KCND3: variants seen among roughly 807,000 people sequenced by gnomAD.
KCND3 encodes potassium voltage-gated channel subfamily D member 3, also known as A-type voltage-gated potassium channel KCND3.
KCND3 carries 9 observed loss-of-function variants against 51.1 expected under a neutral mutation model. The observed-to-expected ratio is 0.18, with a 90% CI of 0.11 to 0.31. The LOEUF (loss-of-function observed/expected upper bound fraction) is 0.31, where lower values mean the gene tolerates loss of function less well. KCND3 is among the 10% of genes least tolerant of loss of function. The probability of loss-of-function intolerance (pLI) is 1.00; values close to 1 mark genes in which losing one functional copy is unlikely to be tolerated. For missense variants in KCND3, 526 were observed against 903.8 expected (o/e 0.58, Z 5.36); for synonymous variants, 349 against 368.0 (o/e 0.95, Z 0.59).
At chr1:111,881,568 A>G (rs1281768338) in intron 2 of KCND3, among the ~76,000 whole-genome samples, 1 of 152,126 alleles carries the variant, frequency 6.6e-6, no homozygotes, top group Non-Finnish European at 1.5e-5. Context: ...TCTTTGTGCT[A>G]TGTCACCTCC....
intron 2 of KCND3, among the ~76,000 whole-genome samples, chr1:111,881,150 C>T (rs56229278): frequency 0.012 from 1,893 of 152,318 alleles, 18 homozygotes; most frequent in Non-Finnish European, 0.019. Flanking sequence ...ACATATTTGG[C>T]TTGACTCCAT....
intron 2 of KCND3, among the ~76,000 whole-genome samples, chr1:111,916,101 C>T (rs549723336): frequency 2.6e-5 from 4 of 152,256 alleles, no homozygotes; most frequent in African/African-American, 4.8e-5. Context: ...CTAGAACACT[C>T]GAACCAACAA....
At chr1:111,882,378 T>C (rs184791712) in intron 2 of KCND3, among the ~76,000 whole-genome samples, 11 of 152,304 alleles carry the variant, frequency 7.2e-5, no homozygotes, top group South Asian at 4.1e-4. Context: ...TGGCACTTCT[T>C]GACATCGGTG....
At chr1:111,825,131 A>G (rs1321356768) in intron 2 of KCND3, among the ~76,000 whole-genome samples, 5 of 152,214 alleles carry the variant, frequency 3.3e-5, no homozygotes, top group Non-Finnish European at 7.3e-5. Flanking sequence ...TTCCATGTCC[A>G]TACACCACCT....
intron 2 of KCND3, among the ~76,000 whole-genome samples, chr1:111,917,808 C>G (rs1030195907): frequency 2.0e-5 from 3 of 152,192 alleles, no homozygotes; most frequent in Non-Finnish European, 2.9e-5. Context: ...ACCACTGCAC[C>G]TTCCACTACA....
intron 2 of KCND3, among the ~76,000 whole-genome samples, chr1:111,905,293 C>T (rs933201004): frequency 3.9e-5 from 6 of 152,176 alleles, no homozygotes; most frequent in Non-Finnish European, 7.3e-5. Flanking sequence ...ATGGGAGACA[C>T]GCACCCAGAA....
intron 2 of KCND3, among the ~76,000 whole-genome samples, chr1:111,939,294 T>C (rs1456902747): frequency 1.3e-5 from 2 of 152,212 alleles, no homozygotes; most frequent in South Asian, 2.1e-4. Flanking sequence ...GTCTGTTACA[T>C]AGGTATACAC....
At chr1:111,853,410 G>T (rs984799754) in intron 2 of KCND3, among the ~76,000 whole-genome samples, 1 of 152,118 alleles carries the variant, frequency 6.6e-6, no homozygotes, top group Non-Finnish European at 1.5e-5. Flanking sequence ...CATAGTGATT[G>T]GGAACCCAGC....
intron 2 of KCND3, among the ~76,000 whole-genome samples, chr1:111,873,118 G>A (rs1283174439): frequency 6.6e-6 from 1 of 152,240 alleles, no homozygotes; most frequent in Non-Finnish European, 1.5e-5. Flanking sequence ...AGCTTCAGGT[G>A]AGAATGCTGA....
intron 2 of KCND3, among the ~76,000 whole-genome samples, chr1:111,842,733 G>A (rs1304008181): frequency 6.6e-6 from 1 of 152,174 alleles, no homozygotes; most frequent in Non-Finnish European, 1.5e-5. Context: ...TATGATCTGA[G>A]AATATGTGGC....
At chr1:111,941,600 A>G (rs1672524289) in intron 2 of KCND3, among the ~76,000 whole-genome samples, 1 of 152,140 alleles carries the variant, frequency 6.6e-6, no homozygotes, top group African/African-American at 2.4e-5. Context: ...TGAAATGTCA[A>G]CAAGAATTAG....
intron 2 of KCND3, among the ~76,000 whole-genome samples, chr1:111,915,260 C>G (rs887885081): frequency 2.6e-5 from 4 of 151,884 alleles, no homozygotes; most frequent in African/African-American, 9.7e-5. Flanking sequence ...GACTTAAACT[C>G]AATCATATCA....
chr1:111,856,018 C>T (rs1668049282), intron 2 of KCND3, among the ~76,000 whole-genome samples: 1 of 152,202 alleles, frequency 6.6e-6, no homozygotes, highest in Admixed American at 6.5e-5. Flanking sequence ...CTCTTTTCTC[C>T]CTCCAGGCTC....
intron 2 of KCND3, among the ~76,000 whole-genome samples, chr1:111,912,248 T>C (rs1484519517): frequency 6.6e-6 from 1 of 152,184 alleles, no homozygotes; most frequent in Non-Finnish European, 1.5e-5. Context: ...ATGATGGTGG[T>C]CTCATAAGAT....
intron 2 of KCND3, among the ~76,000 whole-genome samples, chr1:111,819,716 C>A (rs185066968): frequency 1.4e-4 from 21 of 152,286 alleles, no homozygotes; most frequent in African/African-American, 4.8e-4. Flanking sequence ...CTGCTTGTGT[C>A]TCCTCAGGCT....
chr1:111,878,568 C>T (rs1669162043), intron 2 of KCND3, among the ~76,000 whole-genome samples: 1 of 152,216 alleles, frequency 6.6e-6, no homozygotes, highest in African/African-American at 2.4e-5. Flanking sequence ...AAGAGAGGCA[C>T]CCTCGTTGTC....
In KCND3 at chr1:111,780,134, G is replaced by A; in HGVS notation, c.1461+91C>T. 1 of 1,301,156 alleles carries A rather than the reference G, an allele frequency of 7.7e-7. No homozygotes were observed. The highest frequency in any genetic ancestry group is 1.1e-6 in the Non-Finnish European group (1 of 920,632). The allele number at this position is 1,301,156 out of a possible 1,614,324, so 80.6% of individuals were successfully genotyped here. ...TTTGGATCTGAAGGGGACAGACTTT[G>A]ACTTCTGGCCCAGAGTGAAGATGTG... On this transcript the variant is annotated intron_variant, in intron 5 of 7. Coordinates refer to ENST00000302127, the MANE Select transcript of KCND3 (RefSeq NM_001378969.1). This position sits in a 1 kb window ranked among gnomAD's most constrained non-coding sequence, Gnocchi z 4.2.
chr1:111,895,024 G>A (rs1298390375), intron 2 of KCND3, among the ~76,000 whole-genome samples: 1 of 150,532 alleles, frequency 6.6e-6, no homozygotes, highest in Non-Finnish European at 1.5e-5. Context: ...AGGAGGAAAT[G>A]AGGGATGAGA....
chr1:111,913,307 T>C (rs1671051016), intron 2 of KCND3, among the ~76,000 whole-genome samples: 1 of 152,214 alleles, frequency 6.6e-6, no homozygotes, highest in African/African-American at 2.4e-5. Flanking sequence ...CACTCTATCA[T>C]GTCTGTTCAA....
Sources: gnomAD v4.1 joint callset for allele counts (sites outside exome capture counted in the v4.1 genomes callset) on GRCh38, gnomAD v4.1.1 for gene constraint, Gnocchi (gnomAD v3.1) non-coding constraint, MANE v1.5 for transcripts, NCBI Gene and HGNC (gene_info 2026-07-23, HGNC 2026-07-21) for gene names.